Variants in SORCS3 observed in about 807,000 individuals in gnomAD.
The protein encoded by SORCS3 is VPS10 domain-containing receptor SorCS3.
SORCS3 carries 57 observed loss-of-function variants against 146.3 expected under a neutral mutation model. The ratio of observed to expected loss-of-function variants is 0.39; its 90% CI spans 0.31 to 0.49. The LOEUF is 0.49. Ranked by LOEUF, SORCS3 falls within the 20% of genes least tolerant of loss-of-function variation. SORCS3 has a pLI of 0.92. For missense variants in SORCS3, 1,341 were observed against 1,575.5 expected, an observed-to-expected ratio of 0.85 and a Z score of 2.52; for synonymous variants, 653 against 618.5, an observed-to-expected ratio of 1.06 and a Z score of -0.83.
chr10:104,983,261 A>G (rs1312222088), intron 4 of SORCS3, among the ~76,000 whole-genome samples: 2 of 151,984 alleles, frequency 1.3e-5, no homozygotes, highest in African/African-American at 4.8e-5. Context: ...TCGGCCTCCC[A>G]AAATATTTGA....
At chr10:105,183,804 ACTGGGGACTGGCAACAGC>A (rs6144062) in intron 14 of SORCS3, among the ~76,000 whole-genome samples, 50,434 of 151,876 alleles carry the variant, frequency 0.33, 8,437 homozygotes, top group South Asian at 0.41. Context: ...GGTAGGGTAT[ACTGGGGACTGGCAACAGC>A]CTGGAAGGAA....
chr10:104,741,624 C>T (rs571332242), intron 1 of SORCS3, among the ~76,000 whole-genome samples: 2 of 133,572 alleles, frequency 1.5e-5, no homozygotes, highest in East Asian at 2.3e-4. Context: ...CATTTTCTCT[C>T]TGTTGCTCAG....
intron 1 of SORCS3, among the ~76,000 whole-genome samples, chr10:104,713,364 C>T (rs1001873199): frequency 6.6e-6 from 1 of 152,160 alleles, no homozygotes; most frequent in Non-Finnish European, 1.5e-5. Flanking sequence ...TCAGCTTTCA[C>T]CTTTTGTCCT....
chr10:105,162,025 T>C (rs1235225418), intron 11 of SORCS3, among the ~76,000 whole-genome samples: 1 of 152,146 alleles, frequency 6.6e-6, no homozygotes, highest in Non-Finnish European at 1.5e-5. Context: ...AGGGGCAAGT[T>C]GCTTGTATAC....
chr10:104,935,818 G>T (rs1293105650), intron 3 of SORCS3, among the ~76,000 whole-genome samples: 2 of 152,184 alleles, frequency 1.3e-5, no homozygotes, highest in Non-Finnish European at 2.9e-5. Context: ...AAGGTAAGGT[G>T]TGTTCAGGAA....
At chr10:105,193,324 A>G (rs182543970) in intron 14 of SORCS3, among the ~76,000 whole-genome samples, 1 of 152,326 alleles carries the variant, frequency 6.6e-6, no homozygotes, top group Non-Finnish European at 1.5e-5. Flanking sequence ...TTGACCCAGA[A>G]ATAAGGGCAG....
chr10:104,792,572 A>G (rs2017507328), intron 1 of SORCS3, among the ~76,000 whole-genome samples: 1 of 152,252 alleles, frequency 6.6e-6, no homozygotes, highest in South Asian at 2.1e-4. Flanking sequence ...AAGAAATGCA[A>G]TGAACATTTA....
chr10:104,650,197 T>C lies in SORCS3; in HGVS notation c.627+8243T>C, dbSNP rs570399588. On this transcript the variant is annotated intron_variant, in intron 1 of 26. Coordinates refer to ENST00000369701, the MANE Select transcript of SORCS3 (RefSeq NM_014978.3). ...TTTGTGGTGATCTATACCCATAGAG[T>C]TGTAGGCTTGAGTTCCCTTTTTGCC... 1.5e-4 allele frequency among the ~76,000 whole-genome samples: 23 copies of C among 152,244 alleles called. No homozygotes were observed. In the South Asian group the frequency reaches 4.6e-3, roughly 30 times the overall value.
At chr10:104,671,273 T>C in intron 1 of SORCS3, among the ~76,000 whole-genome samples, 1 of 147,092 alleles carries the variant, frequency 6.8e-6, no homozygotes, top group East Asian at 1.9e-4. Context: ...ATGTTAACTG[T>C]GTGTTTTTTT....
intron 1 of SORCS3, among the ~76,000 whole-genome samples, chr10:104,759,601 C>T (rs2017096500): frequency 6.6e-6 from 1 of 152,170 alleles, no homozygotes. Context: ...GGAATACCCT[C>T]TGACTTTTTT....
chr10:105,197,671 T>A (rs1379332476), intron 14 of SORCS3, among the ~76,000 whole-genome samples: 1 of 152,216 alleles, frequency 6.6e-6, no homozygotes, highest in African/African-American at 2.4e-5. Flanking sequence ...ATTATTACTA[T>A]TAAACCTGAA....
At chr10:105,069,705 C>A (rs1176912103) in intron 5 of SORCS3, among the ~76,000 whole-genome samples, 1 of 152,138 alleles carries the variant, frequency 6.6e-6, no homozygotes, top group African/African-American at 2.4e-5. Context: ...CAAGGTAATT[C>A]TCTGTGATAC....
At chr10:105,196,326 A>G (rs541465511) in intron 14 of SORCS3, among the ~76,000 whole-genome samples, 4 of 152,320 alleles carry the variant, frequency 2.6e-5, no homozygotes, top group Non-Finnish European at 5.9e-5. Flanking sequence ...CTCACAGGCC[A>G]GGTGTGGTCG....
chr10:105,179,412 C>T (rs78827213), intron 14 of SORCS3, among the ~76,000 whole-genome samples: 2,977 of 152,266 alleles, frequency 0.02, 47 homozygotes, highest in Middle Eastern at 0.048. Flanking sequence ...AGATAGCACT[C>T]CTGTTTTCCT....
chr10:104,703,162 G>A (rs182992183), intron 1 of SORCS3, among the ~76,000 whole-genome samples: 2 of 152,324 alleles, frequency 1.3e-5, no homozygotes, highest in African/African-American at 4.8e-5. Flanking sequence ...TCTCAAGAAA[G>A]CCAGTTGGAT....
At chr10:104,871,530 A>C (rs1342098774) in intron 2 of SORCS3, among the ~76,000 whole-genome samples, 4 of 152,204 alleles carry the variant, frequency 2.6e-5, no homozygotes, top group African/African-American at 9.7e-5. Context: ...TGCCAGAAAG[A>C]TAAATGAGAA....
chr10:104,887,459 T>TAAAGATATAAAG (rs1554857253), intron 2 of SORCS3, among the ~76,000 whole-genome samples: 7 of 152,108 alleles, frequency 4.6e-5, no homozygotes, highest in Non-Finnish European at 1.0e-4. Context: ...TAGTTACTGA[T>TAAAGATATAAAG]ATGGAGGAAA....
chr10:105,162,956 A>G (rs1264655301), intron 11 of SORCS3, among the ~76,000 whole-genome samples: 1 of 151,838 alleles, frequency 6.6e-6, no homozygotes, highest in Non-Finnish European at 1.5e-5. Flanking sequence ...CCACTAAGCG[A>G]CTCGAGTTGA....
rs1000474120 is a variant in SORCS3, at chr10:104,767,652, C to T, written c.628-75140C>T. Among the ~76,000 whole-genome samples the T allele has an allele frequency of 1.1e-3, 134 of 124,358 alleles. 2 individuals are homozygous for T. Among genetic ancestry groups the T allele is most frequent in the African/African-American group, 4.0e-3 (131 of 32,786 alleles). The allele number at this position is 124,358 out of a possible 152,430, so 81.6% of individuals were successfully genotyped here. ...TCCCCCTTCCCCTCCCACTTCCACT[C>T]CCCGTTCCCCTTCCCCTTCTCCACT... On this transcript the variant is annotated intron_variant, in intron 1 of 26. Transcript: ENST00000369701.
Sources: allele counts gnomAD v4.1 joint callset (sites outside exome capture counted in the v4.1 genomes callset), GRCh38; gene constraint gnomAD v4.1.1; transcripts MANE v1.5; gene names NCBI Gene and HGNC (gene_info 2026-07-23, HGNC 2026-07-21).